Variants in NPC1L1 observed in about 807,000 individuals in gnomAD.
NPC1L1 encodes NPC1-like intracellular cholesterol transporter 1.
A neutral mutation model predicts 117.0 loss-of-function variants in NPC1L1; 98 were observed. The observed-to-expected ratio is 0.84, with a 90% CI of 0.71 to 0.99. NPC1L1 has a LOEUF of 0.99. Ranked by LOEUF, NPC1L1 falls within the 50% of genes least tolerant of loss-of-function variation. The probability of loss-of-function intolerance (pLI) is 0.00; values close to 1 mark genes in which losing one functional copy is unlikely to be tolerated. For missense variants in NPC1L1, 1,540 were observed against 1,710.0 expected (o/e 0.90, Z 1.75); for synonymous variants, 729 against 727.6 (o/e 1.00, Z -0.03).
chr7:44,516,060 G>C, intron 17 of NPC1L1, 24 bp downstream of exon 17: 1 of 1,601,296 alleles, frequency 6.2e-7, no homozygotes, highest in Non-Finnish European at 8.5e-7. Context: ...TGGGGCACAG[G>C]GTGGCCCACT....
In NPC1L1 at chr7:44,535,703, T is replaced by TGC. The variant is rs1801861369; in HGVS notation, c.1983+136_1983+137insGC. Reference sequence around the variant, plus strand: ...AGCACAGAACACTTGCAAGAGGTATTACCCTTTGGGGCAGCCACTTGGGTG... The same window carrying TGC: ...AGCACAGAACACTTGCAAGAGGTATTGCACCCTTTGGGGCAGCCACTTGGGTG... On this transcript the variant is annotated intron_variant, in intron 5 of 18. Coordinates refer to ENST00000381160, the MANE Select transcript of NPC1L1 (RefSeq NM_001101648.2). 2.6e-6 allele frequency: 3 copies of TGC among 1,132,542 alleles called. No homozygotes were observed. In the African/African-American group the frequency reaches 4.6e-5, roughly 17 times the overall value. 70.2% of individuals were successfully genotyped at this position (1,132,542 alleles called of 1,614,324 possible). A position where few individuals can be genotyped will look rare whatever the true frequency, so the allele number is the denominator to read the frequency against.
In NPC1L1 at chr7:44,514,838, C is replaced by T. The variant is rs555322346; in HGVS notation, c.3796+965G>A. On this transcript the variant is annotated intron_variant, in intron 18 of 18. Transcript: ENST00000381160. ...CCAACATGGTGAAACCCCGTCTCTA[C>T]TAAAAATAAAAAATAAATAAATAAA... Among the ~76,000 whole-genome samples, 19 of 151,334 alleles carry T rather than the reference C, an allele frequency of 1.3e-4. No homozygotes were observed. The South Asian group carries it at 3.9e-3, about 31-fold the overall frequency.
intron 14 of NPC1L1, among the ~76,000 whole-genome samples, chr7:44,518,999 CTT>C (rs1359081495): frequency 4.6e-5 from 7 of 151,024 alleles, no homozygotes; most frequent in Admixed American, 4.6e-4. Flanking sequence ...CTTTCTCTCT[CTT>C]TCTCTCTCTC....
chr7:44,531,273 C>T (rs1381978482), intron 10 of NPC1L1, among the ~76,000 whole-genome samples: 2 of 152,210 alleles, frequency 1.3e-5, no homozygotes, highest in Non-Finnish European at 1.5e-5. Context: ...CCCCCACAGT[C>T]GCTGCCACGC....
In NPC1L1 at chr7:44,516,225, A is replaced by G. The variant is rs751149720; in HGVS notation, c.3520-28T>C. The G allele has an allele frequency of 1.7e-5, 27 of 1,564,830 alleles. No homozygotes were observed. In the East Asian group the frequency reaches 5.3e-4, roughly 31 times the overall value. Reference sequence around the variant, plus strand: ...ATGGGCAGAGAGGGGGCATAAGCCAAGAAAGGCAGAGGTGGGGAAGGAACT... The same window carrying G: ...ATGGGCAGAGAGGGGGCATAAGCCAGGAAAGGCAGAGGTGGGGAAGGAACT... On this transcript the variant is annotated intron_variant, in intron 16 of 18. Coordinates refer to ENST00000381160, the MANE Select transcript of NPC1L1 (RefSeq NM_001101648.2).
intron 7 of NPC1L1, 64 bp downstream of exon 7, chr7:44,533,675 T>C (rs1801772413): frequency 6.2e-7 from 1 of 1,607,368 alleles, no homozygotes; most frequent in African/African-American, 1.3e-5. Context: ...CTCTGGGAAC[T>C]CCTAGGCCCC....
chr7:44,521,569 A>G, intron 12 of NPC1L1, 143 bp downstream of exon 12: 1 of 1,339,288 alleles, frequency 7.5e-7, no homozygotes, highest in South Asian at 1.2e-5. Flanking sequence ...CCTGTCCCTC[A>G]GGCCACATCT....
At chr7:44,521,671 G>A (rs373784612) in intron 12 of NPC1L1, 41 bp downstream of exon 12, 25 of 1,613,604 alleles carry the variant, frequency 1.5e-5, no homozygotes, top group South Asian at 1.3e-4. Flanking sequence ...CAGTTTGCCC[G>A]AGCTGTGGTG....
Position 44,534,947 on chromosome 7 carries a change from T to C in NPC1L1, c.1984-318A>G, listed in dbSNP as rs538959515. On this transcript the variant is annotated intron_variant, in intron 5 of 18. Coordinates refer to ENST00000381160, the MANE Select transcript of NPC1L1 (RefSeq NM_001101648.2). This position sits in a 1 kb window ranked among gnomAD's most constrained non-coding sequence, Gnocchi z 5.2. Reference sequence around the variant, plus strand: ...TGGCATGTAACAGACAGAAAACTGCTCTTAGGCCAGGTGTGCTGGCTCACA... The same window carrying C: ...TGGCATGTAACAGACAGAAAACTGCCCTTAGGCCAGGTGTGCTGGCTCACA... 4.4e-4 allele frequency among the ~76,000 whole-genome samples: 67 copies of C among 152,236 alleles called. 1 individual carries two copies. Among genetic ancestry groups the C allele is most frequent in the Non-Finnish European group, 1.5e-4 (10 of 68,016 alleles).
chr7:44,540,348 G>T lies in NPC1L1; in HGVS notation c.55-6C>A. On this transcript the variant is annotated splice_region_variant and splice_polypyrimidine_tract_variant and intron_variant, in intron 1 of 18. Transcript: ENST00000381160. ...GTGTAAGGCTCACTCTGGGCCTGCA[G>T]AGCACAGCAACATCACGCGTGGGCC... The T allele has an allele frequency of 6.2e-7, 1 of 1,611,036 alleles. No homozygotes were observed. Among genetic ancestry groups the T allele is most frequent in the Non-Finnish European group, 8.5e-7 (1 of 1,179,848 alleles).
chr7:44,540,141 T>C lies in NPC1L1; in HGVS notation c.256A>G (p.Asn86Asp). The change falls in exon 2 of 19, where the codon AAC becomes GAC. Residue 86 changes from asparagine (N) to aspartate (D), a missense_variant. Around this residue, in one of 3 missense-constraint regions of NPC1L1, gnomAD observed 793 missense variants for 820.4 expected, o/e 0.97. Coordinates refer to ENST00000381160, the MANE Select transcript of NPC1L1 (RefSeq NM_001101648.2). Reference sequence around the variant, plus strand: ...TTGGCGGAGCAGCAGGCTTGGGTGTTGGGGCCGGTGTAGAGGCGGGGGCAG... The same window carrying C: ...TTGGCGGAGCAGCAGGCTTGGGTGTCGGGGCCGGTGTAGAGGCGGGGGCAG... ...KICPRLYTGP[N>D]TQACCSAKQL... 1 of 1,614,042 alleles carries C rather than the reference T, an allele frequency of 6.2e-7. No individual in the cohort carries two copies. Among genetic ancestry groups the C allele is most frequent in the Non-Finnish European group, 8.5e-7 (1 of 1,180,004 alleles).
intron 6 of NPC1L1, 41 bp from the exon 7 acceptor site, chr7:44,533,894 G>A (rs1340620592): frequency 6.5e-7 from 1 of 1,532,916 alleles, no homozygotes; most frequent in African/African-American, 1.4e-5. Context: ...GGCCCTCCAA[G>A]GGCACCGCCC....
In NPC1L1 at chr7:44,538,966, C is replaced by A. The variant is rs752328179; in HGVS notation, c.1431G>T (p.Pro477=). ...AGCAGTCGTAGAGACTGGTATTGTCCGGATTGAGGGGGGCGTAGCAGATGT... is the reference window on the plus strand; with the variant it reads ...AGCAGTCGTAGAGACTGGTATTGTCAGGATTGAGGGGGGCGTAGCAGATGT... The part of the protein sequence containing the change: ...LQDICYAPLN[P]DNTSLYDCCI... The change falls in exon 2 of 19, where the codon CCG becomes CCT. Residue 477 remains proline, a synonymous_variant. Coordinates refer to ENST00000381160, the MANE Select transcript of NPC1L1 (RefSeq NM_001101648.2). This position sits in a 1 kb window ranked among gnomAD's most constrained non-coding sequence, Gnocchi z 5.9. The A allele has an allele frequency of 5.0e-6, 8 of 1,614,138 alleles. No individual in the cohort carries two copies. In the South Asian group the frequency reaches 7.7e-5, roughly 16 times the overall value.
chr7:44,529,715 T>G, intron 10 of NPC1L1, among the ~76,000 whole-genome samples: 1 of 151,784 alleles, frequency 6.6e-6, no homozygotes, highest in South Asian at 2.1e-4. Flanking sequence ...TTACCTGAGG[T>G]GCCTAGAGTG....
Position 44,534,421 on chromosome 7 carries a change from G to T in NPC1L1, c.2166+26C>A. ...GTTGGGAGAAGAGTGGGCAGTTGGG[G>T]GTGTGGAGAGCTCCTCCCTTCTTAC... On this transcript the variant is annotated intron_variant, in intron 6 of 18. Transcript: ENST00000381160. The surrounding 1 kb of genome is among the most constrained non-coding windows in gnomAD (Gnocchi z 5.2). The T allele has an allele frequency of 8.7e-6, 14 of 1,612,668 alleles. No homozygotes were observed. The highest frequency in any genetic ancestry group is 1.1e-5 in the Non-Finnish European group (13 of 1,178,730).
At chr7:44,526,355 C>T (rs1196786311) in intron 10 of NPC1L1, among the ~76,000 whole-genome samples, 1 of 151,614 alleles carries the variant, frequency 6.6e-6, no homozygotes, top group Non-Finnish European at 1.5e-5. Context: ...TTGAGACCAG[C>T]TTGACTAACA....
At chr7:44,527,566 G>T (rs1801561350) in intron 10 of NPC1L1, among the ~76,000 whole-genome samples, 1 of 149,864 alleles carries the variant, frequency 6.7e-6, no homozygotes, top group African/African-American at 2.4e-5. Context: ...TGTAATCCCA[G>T]TACTTCAGGT....
rs1299519630 is a variant in NPC1L1, at chr7:44,522,148, G to A, written c.2732C>T (p.Ser911Phe). 2.5e-6 allele frequency: 4 copies of A among 1,613,902 alleles called. No individual in the cohort carries two copies. Among genetic ancestry groups the A allele is most frequent in the African/African-American group, 2.7e-5 (2 of 74,896 alleles). Reference sequence around the variant, plus strand: ...GATGGCATTCATCCCAGCCTCGCTGGAGAAGTTGTAGCCCAAGGTGGTAAC... The same window carrying A: ...GATGGCATTCATCCCAGCCTCGCTGAAGAAGTTGTAGCCCAAGGTGGTAAC... Reference protein sequence around the residue: ...YFVTTLGYNFSSEAGMNAICS... With the variant: ...YFVTTLGYNFFSEAGMNAICS... Residue 911 changes from serine (S) to phenylalanine (F), a missense_variant, in exon 11 of 19, where the codon TCC becomes TTC. Coordinates refer to ENST00000381160, the MANE Select transcript of NPC1L1 (RefSeq NM_001101648.2).
rs756628304 is a variant in NPC1L1 at position 44,522,143 on chromosome 7, C to T, written c.2737G>A (p.Glu913Lys). 8.7e-6 allele frequency: 14 copies of T among 1,613,998 alleles called. No homozygotes were observed. The highest frequency in any genetic ancestry group is 1.2e-5 in the Non-Finnish European group (14 of 1,179,988). Residue 913 changes from glutamate to lysine, a missense_variant, in exon 11 of 19, where the codon GAG (glutamate) becomes AAG (lysine). This residue lies in a region of NPC1L1 where 742 missense variants were observed against 873.6 expected (regional missense o/e 0.85). Transcript: ENST00000381160. ...VTTLGYNFSSEAGMNAICSSA... is the reference protein window; with the variant it reads ...VTTLGYNFSSKAGMNAICSSA... ...GAGCAGATGGCATTCATCCCAGCCT[C>T]GCTGGAGAAGTTGTAGCCCAAGGTG... is the stretch of plus-strand genomic sequence containing the variant.
Sources: allele counts gnomAD v4.1 joint callset (sites outside exome capture counted in the v4.1 genomes callset), GRCh38; gene constraint gnomAD v4.1.1; regional missense constraint gnomAD v4.1.1; non-coding constraint Gnocchi (gnomAD v3.1); transcripts MANE v1.5; gene names NCBI Gene and HGNC (gene_info 2026-07-23, HGNC 2026-07-21).